Variants in SLC67A1 observed in about 807,000 individuals in gnomAD.
The protein encoded by SLC67A1 is solute carrier family 67 member 1.
At chr11:2,904,762 G>T in the SLC67A1 span, among the ~76,000 whole-genome samples, 1 of 152,226 alleles carries the variant, frequency 6.6e-6, no homozygotes, top group Non-Finnish European at 1.5e-5. Context: ...CAGTGGGAAG[G>T]GGGCGAGGTC....
At chr11:2,906,402 A>G in the SLC67A1 span, among the ~76,000 whole-genome samples, 1 of 152,216 alleles carries the variant, frequency 6.6e-6, no homozygotes, top group Admixed American at 6.5e-5. Flanking sequence ...TCATGCTACT[A>G]TAAAGACACA....
chr11:2,906,721 G>C, the SLC67A1 span, among the ~76,000 whole-genome samples: 5 of 139,772 alleles, frequency 3.6e-5, no homozygotes, highest in African/African-American at 1.4e-4. Context: ...GTCGTGGGGT[G>C]GGGGGAGGGG....
chr11:2,914,653 C>G, the SLC67A1 span: 2 of 969,684 alleles, frequency 2.1e-6, no homozygotes, highest in Non-Finnish European at 2.5e-6. Context: ...TACCCACCAC[C>G]GCTCGAGGGC....
the SLC67A1 span, chr11:2,916,708 G>T: frequency 6.2e-7 from 1 of 1,613,176 alleles, no homozygotes; most frequent in Non-Finnish European, 8.5e-7. Context: ...AGCACCAAAG[G>T]GGCCAAAACT....
chr11:2,902,303 A>T, the SLC67A1 span: 1 of 152,174 alleles, frequency 6.6e-6, no homozygotes, highest in African/African-American at 2.4e-5. Flanking sequence ...ACCGGTGTCT[A>T]GGTCACCCTG....
chr11:2,908,477 G>C, the SLC67A1 span: 3 of 605,554 alleles, frequency 5.0e-6, no homozygotes, highest in African/African-American at 5.8e-5. Context: ...CGATGGGGGT[G>C]CAGAAGAACT....
the SLC67A1 span, among the ~76,000 whole-genome samples, chr11:2,915,717 A>T: frequency 2.0e-5 from 3 of 152,294 alleles, no homozygotes; most frequent in East Asian, 5.8e-4. Flanking sequence ...GCTGAGAGGA[A>T]GGCCGTGGCG....
chr11:2,904,620 C>T, the SLC67A1 span, among the ~76,000 whole-genome samples: 1 of 152,254 alleles, frequency 6.6e-6, no homozygotes. Flanking sequence ...CACCCATCGA[C>T]TCTCATGGGG....
chr11:2,910,605 G>C, the SLC67A1 span, among the ~76,000 whole-genome samples: 1 of 152,132 alleles, frequency 6.6e-6, no homozygotes, highest in Non-Finnish European at 1.5e-5. Flanking sequence ...AGAATGGGGG[G>C]TGAGCTCCCC....
the SLC67A1 span, among the ~76,000 whole-genome samples, chr11:2,904,000 T>C: frequency 2.0e-5 from 3 of 152,354 alleles, no homozygotes; most frequent in East Asian, 5.8e-4. Flanking sequence ...GATAGAATGC[T>C]GTCTTATTTT....
the SLC67A1 span, among the ~76,000 whole-genome samples, chr11:2,924,313 T>C: frequency 6.6e-6 from 1 of 152,202 alleles, no homozygotes; most frequent in African/African-American, 2.4e-5. This position sits in a 1 kb window ranked among gnomAD's most constrained non-coding sequence, Gnocchi z 8.6. Flanking sequence ...GGGCCCTGCA[T>C]GGGCTTCCAA....
At chr11:2,917,486 G>T in the SLC67A1 span, among the ~76,000 whole-genome samples, 1 of 152,228 alleles carries the variant, frequency 6.6e-6, no homozygotes, top group Non-Finnish European at 1.5e-5. Flanking sequence ...GGTGAGCCGG[G>T]CTGGGGGCCT....
chr11:2,912,020 G>C, the SLC67A1 span, among the ~76,000 whole-genome samples: 1 of 152,212 alleles, frequency 6.6e-6, no homozygotes, highest in African/African-American at 2.4e-5. Flanking sequence ...CATTTCCTTT[G>C]ATGGGAGGGG....
chr11:2,905,265 A>G, the SLC67A1 span, among the ~76,000 whole-genome samples: 130,853 of 152,024 alleles, frequency 0.86, 56,436 homozygotes, highest in East Asian at 1. Flanking sequence ...GGCAGTGGTG[A>G]TGGAGGAGGG....
the SLC67A1 span, chr11:2,915,110 C>T: frequency 7.1e-6 from 7 of 985,258 alleles, no homozygotes; most frequent in Non-Finnish European, 8.4e-6. Context: ...ATGCCAGCAC[C>T]CCCCTAGACT....
At chr11:2,909,103 C>T in the SLC67A1 span, 1 of 1,276,974 alleles carries the variant, frequency 7.8e-7, no homozygotes, top group Non-Finnish European at 1.0e-6. Context: ...GCACTCCAGC[C>T]TCCCTGGTCA....
chr11:2,922,136 G>A, the SLC67A1 span: 1 of 1,613,660 alleles, frequency 6.2e-7, no homozygotes, highest in Non-Finnish European at 8.5e-7. Context: ...CAGCTGAGCA[G>A]CCACTTCTCG....
the SLC67A1 span, chr11:2,899,764 C>G: frequency 7.0e-7 from 1 of 1,426,246 alleles, no homozygotes; most frequent in Non-Finnish European, 9.2e-7. Context: ...TCAACCAGTT[C>G]CCTGGCTACC....
the SLC67A1 span, chr11:2,902,760 T>A: frequency 1.0e-6 from 1 of 984,724 alleles, no homozygotes; most frequent in East Asian, 1.1e-4. Flanking sequence ...CTGAGCTATG[T>A]CTCCCCTACG....
Sources: gnomAD v4.1 joint callset for allele counts (sites outside exome capture counted in the v4.1 genomes callset) on GRCh38, gnomAD v4.1.1 for gene constraint, Gnocchi (gnomAD v3.1) non-coding constraint, MANE v1.5 for transcripts, NCBI Gene and HGNC (gene_info 2026-07-23, HGNC 2026-07-21) for gene names.